CHD6: variants seen among roughly 807,000 people sequenced by gnomAD.
The protein encoded by CHD6 is ATP-dependent chromatin remodeler CHD6.
Under a neutral mutation model 276.9 loss-of-function variants are expected in CHD6, and 50 were observed. That is an observed-to-expected ratio of 0.18 (90% CI 0.14 to 0.23). The LOEUF is 0.23. Ranked by LOEUF, CHD6 falls within the 10% of genes least tolerant of loss-of-function variation. The probability of loss-of-function intolerance (pLI) is 1.00; values close to 1 mark genes in which losing one functional copy is unlikely to be tolerated. For missense variants in CHD6, 2,564 were observed against 3,365.8 expected, an observed-to-expected ratio of 0.76 and a Z score of 5.89; for synonymous variants, 1,173 against 1,229.3, an observed-to-expected ratio of 0.95 and a Z score of 0.96.
rs148402910 is a variant in CHD6 at position 41,525,748 on chromosome 20, C to T, written c.554+7302G>A. Among the ~76,000 whole-genome samples, 976 of 152,314 alleles carry T rather than the reference C, an allele frequency of 6.4e-3. 11 individuals carry two copies. Among genetic ancestry groups the T allele is most frequent in the Middle Eastern group, 0.024 (7 of 294 alleles). On this transcript the variant is annotated intron_variant, in intron 3 of 36. Transcript: ENST00000373233. ...TCTCATCTATTAATTTCTTTAATAA[C>T]TGGATCAATACTCATCTCTTCCAAG...
Position 41,465,018 on chromosome 20 carries a change from G to A in CHD6, c.2665-7590C>T, listed in dbSNP as rs1244983976. ...TCAATACTGATATAAATAAATGGGA[G>A]ACAAAGGACAACTTCGTTATAATAG... On this transcript the variant is annotated intron_variant, in intron 17 of 36. Coordinates refer to ENST00000373233, the MANE Select transcript of CHD6 (RefSeq NM_032221.5). Among the ~76,000 whole-genome samples, 2 of 152,122 alleles carry A rather than the reference G, an allele frequency of 1.3e-5. 1 individual carries two copies.
chr20:41,513,014 C>G lies in CHD6; in HGVS notation c.703-19G>C, dbSNP rs756625737. 1 of 1,613,622 alleles carries G rather than the reference C, an allele frequency of 6.2e-7. No homozygotes were observed. The highest frequency in any genetic ancestry group is 8.5e-7 in the Non-Finnish European group (1 of 1,179,740). ...GTCGTTTCTGTAGGGCAAACACACC[C>G]GTCAGAGAAGCTCTCTGAGTGAAAG... On this transcript the variant is annotated intron_variant, in intron 4 of 36. Coordinates refer to ENST00000373233, the MANE Select transcript of CHD6 (RefSeq NM_032221.5).
At chr20:41,491,844 A>G (rs1469440725) in intron 10 of CHD6, 25 bp from the exon 11 acceptor site, 2 of 1,612,520 alleles carry the variant, frequency 1.2e-6, no homozygotes, top group Non-Finnish European at 1.7e-6. Context: ...AAACAGCATA[A>G]TAGATAGAGA....
chr20:41,498,014 C>T lies in CHD6; in HGVS notation c.974+154G>A, dbSNP rs1294982742. ...AATTCTGTGTGCAGCTATAATTGAG[C>T]GTTACTGCCTAAGGTAAACTTGAGT... On this transcript the variant is annotated intron_variant, in intron 7 of 36. Coordinates refer to ENST00000373233, the MANE Select transcript of CHD6 (RefSeq NM_032221.5). 1.0e-5 allele frequency: 6 copies of T among 601,368 alleles called. No individual in the cohort carries two copies. In the Middle Eastern group the frequency reaches 1.3e-3, roughly 133 times the overall value. 37.3% of individuals were successfully genotyped at this position (601,368 alleles called of 1,614,324 possible).
At chr20:41,492,912 C>A (rs1027589365) in intron 10 of CHD6, among the ~76,000 whole-genome samples, 3 of 152,182 alleles carry the variant, frequency 2.0e-5, no homozygotes, top group Non-Finnish European at 4.4e-5. Context: ...AAGACTCCAT[C>A]TCAAAATAAA....
At chr20:41,492,175 C>T (rs1600998348) in intron 10 of CHD6, among the ~76,000 whole-genome samples, 1 of 152,190 alleles carries the variant, frequency 6.6e-6, no homozygotes, top group Non-Finnish European at 1.5e-5. Context: ...CTCCTGAGGG[C>T]AGGGCCTGTA....
chr20:41,592,870 T>C (rs1401271396), intron 1 of CHD6, among the ~76,000 whole-genome samples: 1 of 152,152 alleles, frequency 6.6e-6, no homozygotes, highest in Non-Finnish European at 1.5e-5. Flanking sequence ...CTGTGACACA[T>C]ACCATTATAA....
intron 1 of CHD6, among the ~76,000 whole-genome samples, chr20:41,615,790 C>T (rs1020530524): frequency 6.6e-6 from 1 of 152,172 alleles, no homozygotes; most frequent in Non-Finnish European, 1.5e-5. Context: ...TAGGCACCTA[C>T]AGGGAGAATC....
At chr20:41,555,335 G>A (rs1264607652) in intron 1 of CHD6, among the ~76,000 whole-genome samples, 60 of 124,574 alleles carry the variant, frequency 4.8e-4, no homozygotes, top group African/African-American at 1.4e-3. Context: ...CTCACCTCCC[G>A]GACGGGGCGG....
intron 1 of CHD6, among the ~76,000 whole-genome samples, chr20:41,583,737 T>C (rs1285799125): frequency 6.6e-6 from 1 of 152,128 alleles, no homozygotes; most frequent in Non-Finnish European, 1.5e-5. Flanking sequence ...TATGACAATA[T>C]CATATAGGAT....
At chr20:41,426,190 C>A in intron 27 of CHD6, 37 bp from the exon 28 acceptor site, 1 of 1,458,114 alleles carries the variant, frequency 6.9e-7, no homozygotes, top group Non-Finnish European at 9.6e-7. Context: ...AGCAAAACTG[C>A]AGCTTAGAAG....
At chr20:41,583,408 A>C (rs552680236) in intron 1 of CHD6, among the ~76,000 whole-genome samples, 5 of 152,166 alleles carry the variant, frequency 3.3e-5, no homozygotes, top group African/African-American at 9.6e-5. Flanking sequence ...GAAAAAAAAA[A>C]CACACCTCAC....
At position 41,455,939 on chromosome 20, in the gene CHD6, C is replaced by T. The variant is rs749106043; in HGVS notation, c.2870G>A (p.Arg957Gln). 5 of 1,598,528 alleles carry T rather than the reference C, an allele frequency of 3.1e-6. No homozygotes were observed. Among genetic ancestry groups the T allele is most frequent in the African/African-American group, 1.3e-5 (1 of 74,252 alleles). ...CATTAAGGCTCCATAAGCACCTTTC[C>T]GGAGTAGGTCCTCCACCTCCATTTT... ...LSKMEVEDLLRKGAYGALMDE... is the reference protein window; with the variant it reads ...LSKMEVEDLLQKGAYGALMDE... Residue 957 changes from arginine (R) to glutamine (Q), a missense_variant, in exon 19 of 37, where the codon CGG becomes CAG. Coordinates refer to ENST00000373233, the MANE Select transcript of CHD6 (RefSeq NM_032221.5).
chr20:41,513,063 C>T, intron 4 of CHD6, 68 bp from the exon 5 acceptor site: 1 of 1,542,836 alleles, frequency 6.5e-7, no homozygotes, highest in Admixed American at 1.7e-5. Context: ...CAAGAATACC[C>T]TCATCTACAT....
chr20:41,588,186 A>T (rs538952881), intron 1 of CHD6, among the ~76,000 whole-genome samples: 1 of 152,180 alleles, frequency 6.6e-6, no homozygotes, highest in Non-Finnish European at 1.5e-5. Context: ...GTTGTCCTGG[A>T]TCCAGCAGGA....
chr20:41,564,738 T>C (rs1281349425), intron 1 of CHD6, among the ~76,000 whole-genome samples: 1 of 152,152 alleles, frequency 6.6e-6, no homozygotes, highest in African/African-American at 2.4e-5. Flanking sequence ...AATTAAAAAA[T>C]TGTTTTCTAA....
rs73613224 is a variant in CHD6 at position 41,591,217 on chromosome 20, G to C, written c.-24+27123C>G. Among the ~76,000 whole-genome samples, 29 of 117,336 alleles carry C rather than the reference G, an allele frequency of 2.5e-4. No individual in the cohort carries two copies. The East Asian group carries it at 5.2e-3, about 21-fold the overall frequency. The allele number at this position is 117,336 out of a possible 152,430, so 77.0% of individuals were successfully genotyped here. A position where few individuals can be genotyped will look rare whatever the true frequency, so the allele number is the denominator to read the frequency against. On this transcript the variant is annotated intron_variant, in intron 1 of 36. Coordinates refer to ENST00000373233, the MANE Select transcript of CHD6 (RefSeq NM_032221.5). ...CACACACCGGGGCCTGTTGTGGGGTGGGGGGAGGGGGGAGGGATAGCATTA... is the reference window on the plus strand; with the variant it reads ...CACACACCGGGGCCTGTTGTGGGGTCGGGGGAGGGGGGAGGGATAGCATTA...
At chr20:41,578,453 T>G (rs2146224964) in intron 1 of CHD6, among the ~76,000 whole-genome samples, 1 of 152,278 alleles carries the variant, frequency 6.6e-6, no homozygotes, top group East Asian at 1.9e-4. Context: ...AAGATGAAAG[T>G]TTGCTCTTCT....
In CHD6 at chr20:41,526,565, G is replaced by C. The variant is rs572925208; in HGVS notation, c.554+6485C>G. Among the ~76,000 whole-genome samples the C allele has an allele frequency of 7.9e-4, 121 of 152,278 alleles. 1 individual carries two copies. The highest frequency in any genetic ancestry group is 2.7e-3 in the African/African-American group (111 of 41,550). On this transcript the variant is annotated intron_variant, in intron 3 of 36. Transcript: ENST00000373233. ...GGCAGCTCAAATGGTTATATAATCA[G>C]AAGGCCTGGGGTTTAACACTTCGCA...
Sources: allele counts gnomAD v4.1 joint callset (sites outside exome capture counted in the v4.1 genomes callset), GRCh38; gene constraint gnomAD v4.1.1; transcripts MANE v1.5; gene names NCBI Gene and HGNC (gene_info 2026-07-23, HGNC 2026-07-21).